The following CDH4 variants were observed in gnomAD, a reference collection of about 807,000 sequenced individuals.
CDH4 encodes cadherin 4.
Under a neutral mutation model 86.0 loss-of-function variants are expected in CDH4, and 33 were observed. The ratio of observed to expected loss-of-function variants is 0.38; its 90% CI spans 0.29 to 0.51. The LOEUF is 0.51. Ranked by LOEUF, CDH4 falls within the 20% of genes least tolerant of loss-of-function variation. The pLI, the probability that CDH4 is intolerant of heterozygous loss-of-function variation, is 0.86. For missense variants in CDH4, 1,114 were observed against 1,307.4 expected, an observed-to-expected ratio of 0.85 and a Z score of 2.28; for synonymous variants, 555 against 549.4, an observed-to-expected ratio of 1.01 and a Z score of -0.14.
At chr20:61,673,630 A>T (rs1016342471) in intron 2 of CDH4, among the ~76,000 whole-genome samples, 1 of 152,182 alleles carries the variant, frequency 6.6e-6, no homozygotes, top group African/African-American at 2.4e-5. Flanking sequence ...ATATTTATCC[A>T]TCCTTCCTGG....
chr20:61,561,871 C>T (rs997172824), intron 2 of CDH4, among the ~76,000 whole-genome samples: 7 of 152,262 alleles, frequency 4.6e-5, no homozygotes, highest in Non-Finnish European at 1.5e-5. Flanking sequence ...GCTGGCCCTT[C>T]TCTGGGCCCC....
intron 2 of CDH4, among the ~76,000 whole-genome samples, chr20:61,375,570 G>A (rs920316931): frequency 4.5e-5 from 6 of 132,098 alleles, no homozygotes; most frequent in African/African-American, 2.0e-4. Context: ...TGATGGTGGC[G>A]CTGGTGGTGG....
intron 2 of CDH4, among the ~76,000 whole-genome samples, chr20:61,581,896 C>T (rs1043966688): frequency 6.6e-6 from 1 of 152,170 alleles, no homozygotes; most frequent in East Asian, 1.9e-4. Context: ...GAGCTCCCGC[C>T]GTCTCCCCAG....
chr20:61,578,190 C>T (rs1204150236), intron 2 of CDH4, among the ~76,000 whole-genome samples: 4 of 152,190 alleles, frequency 2.6e-5, no homozygotes, highest in Non-Finnish European at 5.9e-5. Context: ...TATGATCCAC[C>T]CCTGTTGGTG....
At chr20:61,692,834 GTTT>G (rs914883945) in intron 2 of CDH4, among the ~76,000 whole-genome samples, 14 of 143,380 alleles carry the variant, frequency 9.8e-5, no homozygotes, top group African/African-American at 3.9e-4. Flanking sequence ...TTTGTTTTTT[GTTT>G]TTTGTTTTTT....
In CDH4 at chr20:61,613,750, C is replaced by A. The variant is rs1343009798; in HGVS notation, c.170-129813C>A. On this transcript the variant is annotated intron_variant, in intron 2 of 15. Coordinates refer to ENST00000614565, the MANE Select transcript of CDH4 (RefSeq NM_001794.5). The stretch of plus-strand genomic sequence containing the variant: ...TCTACTTGAGCCCTTGAATTTGATT[C>A]TTGAGCTGGGCATGCAGTCCACAGC... 1.3e-5 allele frequency among the ~76,000 whole-genome samples: 2 copies of A among 151,832 alleles called. 1 individual carries two copies. Among genetic ancestry groups the A allele is most frequent in the African/African-American group, 4.9e-5 (2 of 41,208 alleles).
chr20:61,532,311 G>C (rs1032372742), intron 2 of CDH4, among the ~76,000 whole-genome samples: 15 of 152,152 alleles, frequency 9.9e-5, no homozygotes, highest in Non-Finnish European at 1.8e-4. Context: ...TGGTTTCTTT[G>C]TTCTTCTATG....
intron 5 of CDH4, 57 bp from the exon 6 acceptor site, chr20:61,852,697 C>A: frequency 6.4e-7 from 1 of 1,571,802 alleles, no homozygotes; most frequent in Non-Finnish European, 8.6e-7. Flanking sequence ...CCAGGCCGCT[C>A]TCAGCTGAGT....
intron 2 of CDH4, among the ~76,000 whole-genome samples, chr20:61,416,844 A>G (rs950530496): frequency 1.3e-5 from 2 of 152,132 alleles, no homozygotes; most frequent in Admixed American, 1.3e-4. Flanking sequence ...AGCTCTATTC[A>G]TTTTAATGAA....
chr20:61,553,708 G>A (rs950134168), intron 2 of CDH4, among the ~76,000 whole-genome samples: 1 of 152,180 alleles, frequency 6.6e-6, no homozygotes. Context: ...CAGCACTTGA[G>A]AGTATCTATC....
At position 61,544,883 on chromosome 20, in the gene CDH4, T is replaced by G. The variant is rs1011260426; in HGVS notation, c.170-198680T>G. The stretch of plus-strand genomic sequence containing the variant: ...GGAGGGGGGATGCACTAGGGGGTCT[T>G]GGAACTTGGTACATACAGGTGCTAG... On this transcript the variant is annotated intron_variant, in intron 2 of 15. Transcript: ENST00000614565. The surrounding 1 kb of genome is among the most constrained non-coding windows in gnomAD (Gnocchi z 6.5). Among the ~76,000 whole-genome samples the G allele has an allele frequency of 6.6e-6, 1 of 152,134 alleles. No individual in the cohort carries two copies.
intron 14 of CDH4, among the ~76,000 whole-genome samples, chr20:61,933,681 C>T (rs532388649): frequency 3.4e-5 from 5 of 145,248 alleles, no homozygotes; most frequent in East Asian, 2.0e-4. Flanking sequence ...CCACCTTCCC[C>T]GCCCCTCCCG....
chr20:61,575,653 A>C lies in CDH4; in HGVS notation c.170-167910A>C, dbSNP rs1024146280. ...TGTAAATAAAGTTTTATTGGAACAC[A>C]GCCACACCCATTCATTTACATATTG... On this transcript the variant is annotated intron_variant, in intron 2 of 15. Coordinates refer to ENST00000614565, the MANE Select transcript of CDH4 (RefSeq NM_001794.5). Among the ~76,000 whole-genome samples, 11 of 152,256 alleles carry C rather than the reference A, an allele frequency of 7.2e-5. No individual in the cohort carries two copies. In the East Asian group the frequency reaches 2.1e-3, roughly 29 times the overall value.
chr20:61,301,564 C>A (rs528619211), intron 2 of CDH4, among the ~76,000 whole-genome samples: 2 of 152,154 alleles, frequency 1.3e-5, no homozygotes, highest in Non-Finnish European at 2.9e-5. Flanking sequence ...GATTATTCTC[C>A]GGCCATAAAA....
At chr20:61,770,710 C>A (rs902279280) in intron 3 of CDH4, among the ~76,000 whole-genome samples, 1 of 152,004 alleles carries the variant, frequency 6.6e-6, no homozygotes, top group Admixed American at 6.6e-5. Flanking sequence ...GGTAAAACCC[C>A]GTCTCTACTA....
In CDH4 at chr20:61,811,243, A is replaced by G. The variant is rs1980418678; in HGVS notation, c.577-33425A>G. Among the ~76,000 whole-genome samples the G allele has an allele frequency of 6.6e-6, 1 of 152,200 alleles. No homozygotes were observed. The highest frequency in any genetic ancestry group is 2.4e-5 in the African/African-American group (1 of 41,452). On this transcript the variant is annotated intron_variant, in intron 4 of 15. Transcript: ENST00000614565. This position sits in a 1 kb window ranked among gnomAD's most constrained non-coding sequence, Gnocchi z 4.4. ...GAAGTGAAGAATTGCTGGAGGAAAC[A>G]TCCAAACGGCTTGAACTTTGGCAAG...
chr20:61,552,725 C>T (rs1485467136), intron 2 of CDH4, among the ~76,000 whole-genome samples: 2 of 151,770 alleles, frequency 1.3e-5, no homozygotes, highest in Admixed American at 1.3e-4. Context: ...AAGAAAAAAA[C>T]AAAAACAAAA....
At chr20:61,454,356 G>A (rs958238289) in intron 2 of CDH4, among the ~76,000 whole-genome samples, 1 of 152,202 alleles carries the variant, frequency 6.6e-6, no homozygotes, top group African/African-American at 2.4e-5. Context: ...AGGTTGTGAT[G>A]GGAGGGGCAC....
At chr20:61,805,763 C>T (rs1157521219) in intron 4 of CDH4, among the ~76,000 whole-genome samples, 1 of 152,238 alleles carries the variant, frequency 6.6e-6, no homozygotes, top group Non-Finnish European at 1.5e-5. Flanking sequence ...GAGGGGCCCT[C>T]TCACACCGGC....
Sources: allele counts gnomAD v4.1 joint callset (sites outside exome capture counted in the v4.1 genomes callset), GRCh38; gene constraint gnomAD v4.1.1; non-coding constraint Gnocchi (gnomAD v3.1); transcripts MANE v1.5; gene names NCBI Gene and HGNC (gene_info 2026-07-23, HGNC 2026-07-21).